Variants in TULP4 observed in about 807,000 individuals in gnomAD.
TULP4 encodes tubby-related protein 4.
In TULP4, 16 loss-of-function variants were observed where a neutral mutation model predicts 129.0. The observed-to-expected ratio is 0.12, with a 90% CI of 0.08 to 0.19. The LOEUF (loss-of-function observed/expected upper bound fraction) is 0.19. Ranked by LOEUF, TULP4 falls within the 10% of genes least tolerant of loss-of-function variation. TULP4 has a pLI of 1.00. For synonymous variants in TULP4, 998 were observed against 854.0 expected (o/e 1.17, Z -2.94); for missense variants, 1,842 against 2,059.1 (o/e 0.89, Z 2.04).
chr6:158,317,628 T>G (rs1197546793), intron 1 of TULP4, among the ~76,000 whole-genome samples: 2 of 152,202 alleles, frequency 1.3e-5, no homozygotes, highest in African/African-American at 2.4e-5. Flanking sequence ...AATAAACATA[T>G]GTGTGCATGT....
In TULP4 at chr6:158,316,254, G is replaced by A. The variant is rs1227684844; in HGVS notation, c.252+1986G>A. Among the ~76,000 whole-genome samples, 4 of 39,898 alleles carry A rather than the reference G, an allele frequency of 1.0e-4. No individual in the cohort carries two copies. In the Admixed American group the frequency reaches 1.2e-3, roughly 12 times the overall value. 26.2% of individuals were successfully genotyped at this position (39,898 alleles called of 152,430 possible). A position where few individuals can be genotyped will look rare whatever the true frequency, so the allele number is the denominator to read the frequency against. Reference sequence around the variant, plus strand: ...GTGACTAATGCTGCTATGAACGTTTGTGTGCGTGTGGACCTGTGCATTCAG... The same window carrying A: ...GTGACTAATGCTGCTATGAACGTTTATGTGCGTGTGGACCTGTGCATTCAG... On this transcript the variant is annotated intron_variant, in intron 1 of 13. Coordinates refer to ENST00000367097, the MANE Select transcript of TULP4 (RefSeq NM_020245.5).
chr6:158,453,485 CAAAAAAAAAAA>C (rs869146924), intron 5 of TULP4, among the ~76,000 whole-genome samples: 22 of 17,982 alleles, frequency 1.2e-3, no homozygotes, highest in African/African-American at 3.5e-3. Flanking sequence ...CTCTGTCTCA[CAAAAAAAAAAA>C]AAAAAAAAAA....
At chr6:158,286,167 G>C (rs1322549654) in intron 1 of TULP4, among the ~76,000 whole-genome samples, 2 of 151,968 alleles carry the variant, frequency 1.3e-5, no homozygotes, top group Admixed American at 6.5e-5. Flanking sequence ...AGTTTTTTTT[G>C]GAAAGAACTT....
intron 1 of TULP4, among the ~76,000 whole-genome samples, chr6:158,256,441 C>T (rs1362252788): frequency 1.3e-5 from 2 of 152,148 alleles, no homozygotes; most frequent in Non-Finnish European, 2.9e-5. Context: ...TCCTGTTGTT[C>T]TCTAAGTCTT....
intron 3 of TULP4, among the ~76,000 whole-genome samples, chr6:158,444,217 C>G (rs1489604917): frequency 3.6e-5 from 1 of 27,944 alleles, no homozygotes; most frequent in African/African-American, 1.7e-4. Context: ...AAGACTCTGT[C>G]TCAAAAAAAA....
chr6:158,410,055 C>G, intron 1 of TULP4, among the ~76,000 whole-genome samples: 1 of 152,220 alleles, frequency 6.6e-6, no homozygotes, highest in East Asian at 1.9e-4. Flanking sequence ...GGGGTTTCAC[C>G]GTGTTAGCCA....
At chr6:158,291,245 G>A (rs1373683530) in intron 1 of TULP4, among the ~76,000 whole-genome samples, 1 of 152,110 alleles carries the variant, frequency 6.6e-6, no homozygotes, top group East Asian at 1.9e-4. Flanking sequence ...GAGGTCAGTT[G>A]GCCTTAAATT....
At chr6:158,235,859 C>T (rs929868292) in intron 1 of TULP4, among the ~76,000 whole-genome samples, 2 of 152,200 alleles carry the variant, frequency 1.3e-5, no homozygotes, top group African/African-American at 4.8e-5. Flanking sequence ...TTTATTAAAA[C>T]AAATTAAATT....
chr6:158,481,335 A>G lies in TULP4; in HGVS notation c.1486+46A>G, dbSNP rs1355533300. On this transcript the variant is annotated intron_variant, in intron 8 of 13. Transcript: ENST00000367097. ...ACTGGGACCTTGTTCTCCTGTGGTC[A>G]TGGGCTGTTAACGCCTTACACCCCA... 5 of 1,557,252 alleles carry G rather than the reference A, an allele frequency of 3.2e-6. No individual in the cohort carries two copies. In the East Asian group the frequency reaches 7.1e-5, roughly 22 times the overall value.
At position 158,481,207 on chromosome 6, in the gene TULP4, T is replaced by C. The variant is rs758468112; in HGVS notation, c.1404T>C (p.Leu468=). ...YTLYLEYLGG[L]VPILKGRRIS... ...TCTACCTGGAGTACCTGGGCGGGCT[T>C]GTGCCCATCCTCAAAGGGCGGCGCA... The change falls in exon 8 of 14, where the codon CTT becomes CTC. Residue 468 remains leucine, a synonymous_variant. Coordinates refer to ENST00000367097, the MANE Select transcript of TULP4 (RefSeq NM_020245.5). 6.2e-7 allele frequency: 1 copy of C among 1,614,216 alleles called. No individual in the cohort carries two copies. Among genetic ancestry groups the C allele is most frequent in the Non-Finnish European group, 8.5e-7 (1 of 1,180,022 alleles).
At chr6:158,486,209 T>C (rs540565006) in intron 8 of TULP4, among the ~76,000 whole-genome samples, 2 of 152,188 alleles carry the variant, frequency 1.3e-5, no homozygotes, top group East Asian at 1.9e-4. Flanking sequence ...GAGTTAGGAC[T>C]TACAGGGGGG....
chr6:158,493,560 C>T lies in TULP4; in HGVS notation c.1632-13C>T, dbSNP rs376190099. On this transcript the variant is annotated splice_polypyrimidine_tract_variant and intron_variant, in intron 9 of 13. Coordinates refer to ENST00000367097, the MANE Select transcript of TULP4 (RefSeq NM_020245.5). This position sits in a 1 kb window ranked among gnomAD's most constrained non-coding sequence, Gnocchi z 4.4. ...CCACGGATGCCTGACCCCTCCTGGC[C>T]TTGCCTCCCCAGGATCAGCATTGAG... 3 of 1,486,532 alleles carry T rather than the reference C, an allele frequency of 2.0e-6. No homozygotes were observed. Among genetic ancestry groups the T allele is most frequent in the African/African-American group, 1.4e-5 (1 of 69,268 alleles). 92.1% of individuals were successfully genotyped at this position (1,486,532 alleles called of 1,614,324 possible).
chr6:158,403,266 C>T lies in TULP4; in HGVS notation c.253-9799C>T, dbSNP rs186188563. Among the ~76,000 whole-genome samples the T allele has an allele frequency of 2.0e-5, 3 of 152,278 alleles. No homozygotes were observed. In the East Asian group the frequency reaches 5.8e-4, roughly 29 times the overall value. ...CTTGGTCTTCCATTCTACTGTTCCC[C>T]TTCCCAAGCTGCAGTCTGTCCTACC... is the stretch of plus-strand genomic sequence containing the variant. On this transcript the variant is annotated intron_variant, in intron 1 of 13. Coordinates refer to ENST00000367097, the MANE Select transcript of TULP4 (RefSeq NM_020245.5).
In TULP4 at chr6:158,502,536, C is replaced by T. The variant is rs1204905089; in HGVS notation, c.2873C>T (p.Pro958Leu). The change falls in exon 13 of 14, where the codon CCA becomes CTA. Residue 958 changes from proline to leucine, a missense_variant. By Grantham distance (98) the Pro-to-Leu change is moderately conservative. This residue lies in a region of TULP4 where 1,089 missense variants were observed against 987.1 expected (regional missense o/e 1.10). Coordinates refer to ENST00000367097, the MANE Select transcript of TULP4 (RefSeq NM_020245.5). ...CGCTACTCCATCCCCACCGGGGACC[C>T]ACCCCCGTATCCTGAAATTGCCAGC... ...VPRYSIPTGD[P>L]PPYPEIASQL... The T allele has an allele frequency of 1.2e-6, 2 of 1,610,364 alleles. No individual in the cohort carries two copies. The highest frequency in any genetic ancestry group is 8.5e-7 in the Non-Finnish European group (1 of 1,179,946).
At chr6:158,247,708 C>G (rs969527214) in intron 1 of TULP4, among the ~76,000 whole-genome samples, 7 of 152,212 alleles carry the variant, frequency 4.6e-5, no homozygotes, top group Non-Finnish European at 8.8e-5. Context: ...CTGTGCCTTT[C>G]CACTATCTTT....
chr6:158,471,202 G>A (rs1450527886), intron 6 of TULP4, among the ~76,000 whole-genome samples: 1 of 128,610 alleles, frequency 7.8e-6, no homozygotes, highest in African/African-American at 3.6e-5. Context: ...GACAATGCCT[G>A]TCTTCTCAAT....
rs1287545737 is a variant in TULP4 at position 158,508,173 on chromosome 6, TTTG to T, written c.*1482_*1484del. The T allele has an allele frequency of 2.0e-5, 3 of 152,168 alleles. No individual in the cohort carries two copies. Among genetic ancestry groups the T allele is most frequent in the Non-Finnish European group, 2.9e-5 (2 of 68,054 alleles). The allele number at this position is 152,168 out of a possible 1,614,324, so 9.4% of individuals were successfully genotyped here. ...TTGTTTTTTGTTGTTGTTTTTTGTTTTTGTTTTTGTTTTTCTCAGTCTTACCTG... is the reference window on the plus strand; with the variant it reads ...TTGTTTTTTGTTGTTGTTTTTTGTTTTTTTTGTTTTTCTCAGTCTTACCTG... On this transcript the variant is annotated 3_prime_UTR_variant, in exon 14 of 14. Coordinates refer to ENST00000367097, the MANE Select transcript of TULP4 (RefSeq NM_020245.5).
chr6:158,391,623 G>A (rs1031093203), intron 1 of TULP4, among the ~76,000 whole-genome samples: 1 of 152,192 alleles, frequency 6.6e-6, no homozygotes, highest in Non-Finnish European at 1.5e-5. Flanking sequence ...CATACCTAGT[G>A]TCATAAACAT....
intron 1 of TULP4, among the ~76,000 whole-genome samples, chr6:158,262,871 G>T (rs992452021): frequency 6.6e-6 from 1 of 152,214 alleles, no homozygotes; most frequent in Non-Finnish European, 1.5e-5. Flanking sequence ...GGGTGTTGGG[G>T]TGAAGCATTC....
Sources: allele counts gnomAD v4.1 joint callset (sites outside exome capture counted in the v4.1 genomes callset), GRCh38; gene constraint gnomAD v4.1.1; regional missense constraint gnomAD v4.1.1; non-coding constraint Gnocchi (gnomAD v3.1); transcripts MANE v1.5; gene names NCBI Gene and HGNC (gene_info 2026-07-23, HGNC 2026-07-21).